The following SARDH variants were observed in gnomAD, a reference collection of about 807,000 sequenced individuals.
The protein encoded by SARDH is sarcosine dehydrogenase, mitochondrial.
Under a neutral mutation model 109.1 loss-of-function variants are expected in SARDH, and 95 were observed. That is an observed-to-expected ratio of 0.87 (90% CI 0.74 to 1.03). The LOEUF (loss-of-function observed/expected upper bound fraction) is 1.03. SARDH is among the 50% of genes least tolerant of loss of function. SARDH has a pLI of 0.00. For missense variants in SARDH, 1,267 were observed against 1,287.8 expected (o/e 0.98, Z 0.25); for synonymous variants, 572 against 534.8 (o/e 1.07, Z -0.96).
At chr9:133,711,696 T>C (rs1831924547) in intron 10 of SARDH, among the ~76,000 whole-genome samples, 1 of 152,262 alleles carries the variant, frequency 6.6e-6, no homozygotes, top group Non-Finnish European at 1.5e-5. Context: ...GAGCCAGGCC[T>C]TCTCCCTCCG....
Position 133,734,138 on chromosome 9 carries a change from A to C in SARDH, c.36T>G (p.Ala12=). The part of the protein sequence containing the change: ...ASLSRALRVA[A]AHPRQSPTRG... ...GGGTAGGGCTCTGGCGAGGGTGGGC[A>C]GCAGCCACACGTAGGGCTCGGCTCA... The change falls in exon 2 of 21, where the codon GCT becomes GCG. Residue 12 remains alanine, a synonymous_variant. Transcript: ENST00000439388. The C allele has an allele frequency of 6.2e-7, 1 of 1,607,804 alleles. No homozygotes were observed. Among genetic ancestry groups the C allele is most frequent in the Non-Finnish European group, 8.5e-7 (1 of 1,177,640 alleles).
chr9:133,689,298 C>T (rs886707181), intron 16 of SARDH, among the ~76,000 whole-genome samples: 2 of 152,090 alleles, frequency 1.3e-5, no homozygotes, highest in African/African-American at 4.8e-5. Context: ...AAGCAGTGCC[C>T]TCATCTCGTG....
chr9:133,665,981 G>A (rs189612881), intron 20 of SARDH, among the ~76,000 whole-genome samples: 19 of 152,332 alleles, frequency 1.2e-4, no homozygotes, highest in Non-Finnish European at 2.1e-4. Flanking sequence ...TGCAGTGCCA[G>A]AAAGATGGGA....
At chr9:133,681,150 G>A (rs190599699) in intron 17 of SARDH, among the ~76,000 whole-genome samples, 4 of 152,338 alleles carry the variant, frequency 2.6e-5, no homozygotes, top group Non-Finnish European at 5.9e-5. Context: ...GACATCTGCC[G>A]CCCTGGTCCT....
chr9:133,673,277 G>A (rs1830412675), intron 17 of SARDH, among the ~76,000 whole-genome samples: 1 of 152,238 alleles, frequency 6.6e-6, no homozygotes, highest in Non-Finnish European at 1.5e-5. Flanking sequence ...TGGAGTCTGC[G>A]TCCTCACCTT....
intron 6 of SARDH, among the ~76,000 whole-genome samples, chr9:133,724,723 T>C (rs559660563): frequency 1.4e-3 from 219 of 151,790 alleles, no homozygotes; most frequent in African/African-American, 5.0e-3. Flanking sequence ...CATTTTTAAT[T>C]TTTTTTTTGA....
Position 133,692,338 on chromosome 9 carries a change from G to A in SARDH, c.1922-1811C>T, listed in dbSNP as rs1041554972. On this transcript the variant is annotated intron_variant, in intron 15 of 20. Transcript: ENST00000439388. The surrounding 1 kb of genome is among the most constrained non-coding windows in gnomAD (Gnocchi z 5.0). ...CTAGACTCACTAAGTCTGCGGCTAT[G>A]GGCTGTGCCTGGGCCGCCCCTCTAC... Among the ~76,000 whole-genome samples, 4 of 152,098 alleles carry A rather than the reference G, an allele frequency of 2.6e-5. No homozygotes were observed. Among genetic ancestry groups the A allele is most frequent in the Admixed American group, 6.5e-5 (1 of 15,274 alleles).
At position 133,702,939 on chromosome 9, in the gene SARDH, C is replaced by T; in HGVS notation, c.1645G>A (p.Ala549Thr). 2.5e-6 allele frequency: 4 copies of T among 1,612,682 alleles called. No individual in the cohort carries two copies. The highest frequency in any genetic ancestry group is 2.5e-6 in the Non-Finnish European group (3 of 1,179,966). ...ACCGTGTCGTGGTGGGGCGGGAAGG[C>T]GAAGGTGTACTCGTCTGCCAGCAGC... The part of the protein sequence containing the change: ...RRLLADEYTF[A>T]FPPHHDTIKK... The change falls in exon 13 of 21, where the codon GCC becomes ACC. Residue 549 changes from alanine (A) to threonine (T), a missense_variant. Physicochemically the swap from Ala to Thr is moderately conservative, Grantham distance 58. Coordinates refer to ENST00000439388, the MANE Select transcript of SARDH (RefSeq NM_001134707.2).
intron 19 of SARDH, among the ~76,000 whole-genome samples, chr9:133,670,012 A>G (rs1830280624): frequency 6.6e-6 from 1 of 152,208 alleles, no homozygotes; most frequent in African/African-American, 2.4e-5. Flanking sequence ...GAGGGGCCCC[A>G]GGTGCGCAAC....
Position 133,733,977 on chromosome 9 carries a change from G to T in SARDH, c.197C>A (p.Thr66Lys). ...AQGPSRPLPS[T>K]ANVVVIGGGS... ...TCCACCAATGACCACCACGTTGGCC[G>T]TGCTGGGCAGGGGCCGGCTTGGGCC... is the stretch of plus-strand genomic sequence containing the variant. The change falls in exon 2 of 21, where the codon ACG becomes AAG. Residue 66 changes from threonine (T) to lysine (K), a missense_variant. Coordinates refer to ENST00000439388, the MANE Select transcript of SARDH (RefSeq NM_001134707.2). 6.2e-7 allele frequency: 1 copy of T among 1,612,118 alleles called. No homozygotes were observed. The highest frequency in any genetic ancestry group is 1.1e-5 in the South Asian group (1 of 90,978).
chr9:133,661,733 G>A (rs1008291196), downstream of SARDH, among the ~76,000 whole-genome samples: 15 of 151,944 alleles, frequency 9.9e-5, no homozygotes, highest in South Asian at 2.1e-4. Context: ...CGCCCCCCTC[G>A]GCCTCCCAAA....
rs1424163409 is a variant in SARDH, at chr9:133,704,565, T to G, written c.1554+383A>C. On this transcript the variant is annotated intron_variant, in intron 12 of 20. Transcript: ENST00000439388. This position sits in a 1 kb window ranked among gnomAD's most constrained non-coding sequence, Gnocchi z 4.5. The stretch of plus-strand genomic sequence containing the variant: ...TACGGACATAAACCAACAGTCGGAG[T>G]GGCCAAAAATAGATGCACAGAATTA... Among the ~76,000 whole-genome samples the G allele has an allele frequency of 1.3e-5, 2 of 151,504 alleles. No individual in the cohort carries two copies. The highest frequency in any genetic ancestry group is 4.9e-5 in the African/African-American group (2 of 41,170).
intron 17 of SARDH, among the ~76,000 whole-genome samples, chr9:133,672,956 G>A (rs1028916022): frequency 1.3e-5 from 2 of 152,356 alleles, no homozygotes; most frequent in East Asian, 1.9e-4. Context: ...TGACAGTGCC[G>A]ATTATCGGGT....
rs757925512 is a variant in SARDH at position 133,670,696 on chromosome 9, GGCCTGCCT to G, written c.2375_2382del (p.Glu792AlafsTer62). On this transcript the variant is annotated frameshift_variant, in exon 19 of 21. Transcript: ENST00000439388. LOFTEE classifies it high-confidence loss of function. The stretch of plus-strand genomic sequence containing the variant: ...GACTTGAGCTTGCAGGTGAAGGCCA[GGCCTGCCT>G]CCAGGGGGCTGTCGTCTGGCCGCAG... 7 of 1,607,710 alleles carry G rather than the reference GGCCTGCCT, an allele frequency of 4.4e-6. No homozygotes were observed. In the South Asian group the frequency reaches 6.7e-5, roughly 15 times the overall value.
In SARDH at chr9:133,726,681, G is replaced by A. The variant is rs144018873; in HGVS notation, c.915+3084C>T. ...CTCCTGCTCTGGCTGTCCCCAGTCT[G>A]GCCCTGGTGCCACTGACTCCCTGCC... On this transcript the variant is annotated intron_variant, in intron 6 of 20. Coordinates refer to ENST00000439388, the MANE Select transcript of SARDH (RefSeq NM_001134707.2). Among the ~76,000 whole-genome samples, 61 of 152,258 alleles carry A rather than the reference G, an allele frequency of 4.0e-4. No individual in the cohort carries two copies. The East Asian group carries it at 8.7e-3, about 22-fold the overall frequency.
intron 1 of SARDH, among the ~76,000 whole-genome samples, 166 bp downstream of exon 1, chr9:133,738,088 G>A (rs548143271): frequency 5.5e-4 from 83 of 152,250 alleles, no homozygotes; most frequent in African/African-American, 1.8e-3. Flanking sequence ...GGCAGGGGGC[G>A]GGGAGGCAGC....
intron 19 of SARDH, chr9:133,667,200 T>TG: frequency 9.3e-6 from 3 of 323,902 alleles, no homozygotes; most frequent in Non-Finnish European, 1.6e-5. Flanking sequence ...TCTGGTTTTT[T>TG]TTTTTTTTTT....
chr9:133,713,091 C>G lies in SARDH; in HGVS notation c.1184G>C (p.Gly395Ala), dbSNP rs1831989403. The change falls in exon 9 of 21, where the codon GGG becomes GCG. Residue 395 changes from glycine (G) to alanine (A), a missense_variant. Transcript: ENST00000439388. Reference protein sequence around the residue: ...SFTPDHKPLMGEAPELRGFFL... With the variant: ...SFTPDHKPLMAEAPELRGFFL... Reference sequence around the variant, plus strand: ...GAACCCTCGGAGCTCAGGTGCCTCCCCCATCAGGGGCTTGTGGTCGGGCGT... The same window carrying G: ...GAACCCTCGGAGCTCAGGTGCCTCCGCCATCAGGGGCTTGTGGTCGGGCGT... 6.2e-7 allele frequency: 1 copy of G among 1,613,332 alleles called. No individual in the cohort carries two copies. Among genetic ancestry groups the G allele is most frequent in the African/African-American group, 1.3e-5 (1 of 74,934 alleles).
intron 1 of SARDH, among the ~76,000 whole-genome samples, chr9:133,738,029 C>T (rs1054557785): frequency 1.3e-5 from 2 of 152,184 alleles, no homozygotes; most frequent in African/African-American, 2.4e-5. Context: ...GCGAGGAGAG[C>T]GCCTGGCACC....
Sources: gnomAD v4.1 joint callset for allele counts (sites outside exome capture counted in the v4.1 genomes callset) on GRCh38, gnomAD v4.1.1 for gene constraint, Gnocchi (gnomAD v3.1) non-coding constraint, MANE v1.5 for transcripts, NCBI Gene and HGNC (gene_info 2026-07-23, HGNC 2026-07-21) for gene names.